Variants in CNGB3 observed in about 807,000 individuals in gnomAD.
The protein encoded by CNGB3 is cyclic nucleotide gated channel subunit beta 3, also known as cyclic nucleotide-gated channel beta-3.
A neutral mutation model predicts 92.8 loss-of-function variants in CNGB3; 86 were observed. The observed-to-expected ratio is 0.93, with a 90% CI of 0.78 to 1.11. The LOEUF is 1.11. Among genes scored for constraint, CNGB3 ranks in the 50% least tolerant of loss-of-function variants. The pLI, the probability that CNGB3 is intolerant of heterozygous loss-of-function variation, is 0.00. For missense variants in CNGB3, 1,026 were observed against 956.8 expected, an observed-to-expected ratio of 1.07 and a Z score of -0.95; for synonymous variants, 333 against 332.7, an observed-to-expected ratio of 1.00 and a Z score of -0.01.
intron 3 of CNGB3, among the ~76,000 whole-genome samples, chr8:86,675,995 G>A (rs1359575757): frequency 6.6e-6 from 1 of 152,158 alleles, no homozygotes; most frequent in Non-Finnish European, 1.5e-5. Flanking sequence ...GTAAAGTGGT[G>A]GGGTTGCGGG....
chr8:86,579,766 C>A (rs1384334855), intron 15 of CNGB3, among the ~76,000 whole-genome samples: 1 of 152,206 alleles, frequency 6.6e-6, no homozygotes, highest in Non-Finnish European at 1.5e-5. Context: ...GCAGTGGCTG[C>A]AGTTCTCTAC....
At chr8:86,731,180 C>A (rs941270835) in intron 2 of CNGB3, among the ~76,000 whole-genome samples, 2 of 152,150 alleles carry the variant, frequency 1.3e-5, no homozygotes, top group Non-Finnish European at 2.9e-5. Flanking sequence ...ACACGCAAAA[C>A]CCTCAAACAT....
rs143569760 is a variant in CNGB3, at chr8:86,658,036, A to G, written c.853-3974T>C. 9.2e-6 allele frequency: 5 copies of G among 544,360 alleles called. No individual in the cohort carries two copies. In the East Asian group the frequency reaches 2.1e-4, roughly 23 times the overall value. The allele number at this position is 544,360 out of a possible 1,614,324, so 33.7% of individuals were successfully genotyped here. ...CTCCTTCAGGTCCACCTTCTCCTGCATGAGCTCCATAAAGTGGCTCTGCAG... is the reference window on the plus strand; with the variant it reads ...CTCCTTCAGGTCCACCTTCTCCTGCGTGAGCTCCATAAAGTGGCTCTGCAG... On this transcript the variant is annotated intron_variant, in intron 6 of 17. Transcript: ENST00000320005.
intron 14 of CNGB3, among the ~76,000 whole-genome samples, chr8:86,606,821 C>T (rs944871211): frequency 2.6e-5 from 4 of 152,064 alleles, no homozygotes; most frequent in Non-Finnish European, 4.4e-5. Flanking sequence ...CAGGTGACAG[C>T]GCCAGAACTA....
At chr8:86,632,731 A>T (rs372434700) in intron 11 of CNGB3, 21 bp downstream of exon 11, 107 of 1,612,152 alleles carry the variant, frequency 6.6e-5, no homozygotes, top group South Asian at 3.5e-4. Flanking sequence ...CTGTGTATCC[A>T]GTGATTCATA....
chr8:86,678,142 A>G (rs1273784020), intron 3 of CNGB3, among the ~76,000 whole-genome samples: 1 of 152,114 alleles, frequency 6.6e-6, no homozygotes, highest in Non-Finnish European at 1.5e-5. Context: ...TTCTTTTGCC[A>G]TGTTTAGGCA....
chr8:86,643,473 C>G (rs1402343269), intron 10 of CNGB3, among the ~76,000 whole-genome samples: 2 of 151,468 alleles, frequency 1.3e-5, no homozygotes, highest in Non-Finnish European at 3.0e-5. Flanking sequence ...TTTCCACTCT[C>G]TGTCTCTATG....
intron 14 of CNGB3, among the ~76,000 whole-genome samples, chr8:86,605,571 C>A (rs1291376625): frequency 6.6e-6 from 1 of 152,106 alleles, no homozygotes; most frequent in Non-Finnish European, 1.5e-5. Flanking sequence ...TTAGAATACA[C>A]TAAAATCAAC....
intron 4 of CNGB3, among the ~76,000 whole-genome samples, chr8:86,669,953 C>T (rs941493568): frequency 4.6e-5 from 7 of 151,904 alleles, no homozygotes; most frequent in East Asian, 1.9e-4. Flanking sequence ...TGGGTTCAAG[C>T]GATTCCCCTG....
chr8:86,596,377 G>A (rs1050340020), intron 15 of CNGB3, among the ~76,000 whole-genome samples: 6 of 152,058 alleles, frequency 3.9e-5, no homozygotes, highest in African/African-American at 1.2e-4. Context: ...TACTTATTCC[G>A]ATTTTTGGGA....
chr8:86,658,235 TGC>T (rs1823556166), intron 6 of CNGB3: 1 of 557,276 alleles, frequency 1.8e-6, no homozygotes, highest in Non-Finnish European at 3.3e-6. Context: ...CACGTGGCCA[TGC>T]CTGCTCCTCC....
intron 3 of CNGB3, among the ~76,000 whole-genome samples, chr8:86,694,643 A>G (rs1489125745): frequency 1.2e-4 from 16 of 133,948 alleles, no homozygotes; most frequent in African/African-American, 4.1e-4. Flanking sequence ...GGGCAGAGGC[A>G]CTCCTCACAT....
At position 86,650,005 on chromosome 8, in the gene CNGB3, C is replaced by T. The variant is rs80016703; in HGVS notation, c.904-2118G>A. On this transcript the variant is annotated intron_variant, in intron 7 of 17. Coordinates refer to ENST00000320005, the MANE Select transcript of CNGB3 (RefSeq NM_019098.5). ...GCAAATGCTATTAATAGATATTTTT[C>T]AAAAGAAGTTATACAAATGGCCAAA... Among the ~76,000 whole-genome samples the T allele has an allele frequency of 7.9e-5, 12 of 151,322 alleles. No individual in the cohort carries two copies. In the East Asian group the frequency reaches 2.3e-3, roughly 29 times the overall value.
At chr8:86,732,141 C>T (rs529054055) in intron 2 of CNGB3, among the ~76,000 whole-genome samples, 3 of 152,252 alleles carry the variant, frequency 2.0e-5, no homozygotes, top group Admixed American at 1.3e-4. Flanking sequence ...TTATGAAACA[C>T]GTAATGACAG....
chr8:86,676,942 C>G (rs1359685872), intron 3 of CNGB3, among the ~76,000 whole-genome samples: 1 of 152,132 alleles, frequency 6.6e-6, no homozygotes, highest in Non-Finnish European at 1.5e-5. Flanking sequence ...TCTGCCGAGT[C>G]TCTCAGGTAC....
At chr8:86,727,632 G>A (rs1476287803) in intron 2 of CNGB3, among the ~76,000 whole-genome samples, 3 of 152,038 alleles carry the variant, frequency 2.0e-5, no homozygotes, top group African/African-American at 7.2e-5. Context: ...GGATTATAGA[G>A]AAGATTTTAA....
At chr8:86,659,009 CT>C in intron 6 of CNGB3, 1 of 1,037,176 alleles carries the variant, frequency 9.6e-7, no homozygotes, top group Non-Finnish European at 1.5e-6. Flanking sequence ...CCTCCAGCTC[CT>C]TCCGCAGGTG....
intron 11 of CNGB3, among the ~76,000 whole-genome samples, chr8:86,631,850 A>G (rs955500588): frequency 3.3e-5 from 5 of 152,060 alleles, no homozygotes; most frequent in African/African-American, 9.7e-5. Context: ...CTATGTTTTG[A>G]TATGTTAATA....
At chr8:86,600,239 A>T (rs1822262759) in intron 15 of CNGB3, among the ~76,000 whole-genome samples, 1 of 152,158 alleles carries the variant, frequency 6.6e-6, no homozygotes, top group South Asian at 2.1e-4. Context: ...AGCATCCTGT[A>T]CACACTCTCT....
Sources: gnomAD v4.1 joint callset for allele counts (sites outside exome capture counted in the v4.1 genomes callset) on GRCh38, gnomAD v4.1.1 for gene constraint, MANE v1.5 for transcripts, NCBI Gene and HGNC (gene_info 2026-07-23, HGNC 2026-07-21) for gene names.